Variants in PTCSC3 observed in about 807,000 individuals in gnomAD.
PTCSC3 encodes papillary thyroid carcinoma susceptibility candidate 3, also known as papillary thyroid carcinoma susceptibility candidate 3 (non-protein coding).
intron 3 of PTCSC3, among the ~76,000 whole-genome samples, chr14:36,142,912 G>GT (rs2139089598): frequency 6.6e-6 from 1 of 150,532 alleles, no homozygotes; most frequent in East Asian, 2.0e-4. Context: ...GCGCTGTCTG[G>GT]TTTTTTGTTA....
Position 36,142,806 on chromosome 14 carries a change from C to T in PTCSC3, n.323-6450G>A, listed in dbSNP as rs190257177. 4.4e-5 allele frequency among the ~76,000 whole-genome samples: 5 copies of T among 114,898 alleles called. No homozygotes were observed. The South Asian group carries it at 1.4e-3, about 33-fold the overall frequency. The allele number at this position is 114,898 out of a possible 152,430, so 75.4% of individuals were successfully genotyped here. On this transcript the variant is annotated intron_variant and non_coding_transcript_variant, in intron 3 of 3. Transcript: ENST00000556013. Reference sequence around the variant, plus strand: ...ATATCTCCCAATGCTATCCCTCCCCCCTCCCCCCACCCCACAACAGTCCCC... The same window carrying T: ...ATATCTCCCAATGCTATCCCTCCCCTCTCCCCCCACCCCACAACAGTCCCC...
intron 3 of PTCSC3, among the ~76,000 whole-genome samples, chr14:36,150,568 GCCACA>G: frequency 6.6e-6 from 1 of 152,140 alleles, no homozygotes; most frequent in Admixed American, 6.5e-5. Flanking sequence ...TTGAATACCT[GCCACA>G]TTTTAAATTG....
At chr14:36,144,044 CT>C (rs1201503024) in intron 3 of PTCSC3, among the ~76,000 whole-genome samples, 6 of 152,054 alleles carry the variant, frequency 3.9e-5, no homozygotes, top group African/African-American at 1.4e-4. Context: ...CAGTACCATG[CT>C]GTTTTGGTTA....
chr14:36,145,284 T>G (rs1220641703), intron 3 of PTCSC3, among the ~76,000 whole-genome samples: 2 of 151,094 alleles, frequency 1.3e-5, no homozygotes, highest in African/African-American at 4.9e-5. Context: ...TGAATCCATC[T>G]GGTCCTGGAC....
chr14:36,174,054 G>A (rs557922785), intron 1 of PTCSC3, among the ~76,000 whole-genome samples: 1 of 151,712 alleles, frequency 6.6e-6, no homozygotes, highest in Admixed American at 6.6e-5. Flanking sequence ...TAGCTCTAAC[G>A]TGCCTAGGTG....
chr14:36,164,957 G>A (rs1443677023), intron 1 of PTCSC3, among the ~76,000 whole-genome samples: 2 of 152,124 alleles, frequency 1.3e-5, no homozygotes, highest in African/African-American at 2.4e-5. Context: ...ATTTCCCCAG[G>A]CAGTGTCATA....
At chr14:36,144,071 A>G (rs1461026744) in intron 3 of PTCSC3, among the ~76,000 whole-genome samples, 1 of 152,112 alleles carries the variant, frequency 6.6e-6, no homozygotes, top group Non-Finnish European at 1.5e-5. Context: ...GCCTTGTAGT[A>G]TAGTTTGAAG....
At chr14:36,154,549 C>A (rs573820799) in intron 2 of PTCSC3, among the ~76,000 whole-genome samples, 51 of 152,208 alleles carry the variant, frequency 3.4e-4, no homozygotes, top group Non-Finnish European at 6.9e-4. Context: ...TACTTACTAT[C>A]ACTCTAGGAA....
chr14:36,160,187 C>T (rs1228967989), intron 2 of PTCSC3, among the ~76,000 whole-genome samples: 2 of 152,142 alleles, frequency 1.3e-5, no homozygotes, highest in Non-Finnish European at 2.9e-5. Context: ...TCCAATTTGC[C>T]AGTCTGTGTC....
intron 3 of PTCSC3, among the ~76,000 whole-genome samples, chr14:36,148,572 C>G (rs914204163): frequency 1.3e-5 from 2 of 152,206 alleles, no homozygotes; most frequent in African/African-American, 2.4e-5. Flanking sequence ...CTGGCACTCC[C>G]TAGTGAGATG....
intron 1 of PTCSC3, among the ~76,000 whole-genome samples, chr14:36,175,760 T>C (rs1362889265): frequency 6.6e-6 from 1 of 152,212 alleles, no homozygotes; most frequent in Non-Finnish European, 1.5e-5. Flanking sequence ...TGGAGTAACT[T>C]CATTGAACAC....
chr14:36,156,936 G>T (rs1229423631), intron 2 of PTCSC3, among the ~76,000 whole-genome samples: 1 of 152,140 alleles, frequency 6.6e-6, no homozygotes, highest in Non-Finnish European at 1.5e-5. Context: ...CCCAGTAATA[G>T]GATTGCTGGG....
At chr14:36,143,781 T>C (rs1223078063) in intron 3 of PTCSC3, among the ~76,000 whole-genome samples, 1 of 144,578 alleles carries the variant, frequency 6.9e-6, no homozygotes, top group Non-Finnish European at 1.5e-5. Context: ...CTAGGGTTTT[T>C]ATGGTTTTAG....
intron 3 of PTCSC3, among the ~76,000 whole-genome samples, chr14:36,142,922 A>G (rs985214528): frequency 2.7e-5 from 4 of 150,762 alleles, no homozygotes; most frequent in African/African-American, 9.8e-5. Flanking sequence ...GTTTTTTGTT[A>G]TTGCGATAGT....
At chr14:36,145,840 C>A (rs1175440835) in intron 3 of PTCSC3, among the ~76,000 whole-genome samples, 273 of 145,106 alleles carry the variant, frequency 1.9e-3, no homozygotes, top group African/African-American at 6.8e-3. Context: ...TGAATGCGTC[C>A]CAGAGATTCT....
chr14:36,151,402 G>A (rs988147291), intron 3 of PTCSC3, among the ~76,000 whole-genome samples: 5 of 151,646 alleles, frequency 3.3e-5, no homozygotes, highest in Non-Finnish European at 5.9e-5. Flanking sequence ...GAGCTTTCTC[G>A]ATCTTTGGCT....
chr14:36,152,027 A>G lies in PTCSC3; in HGVS notation n.322+1777T>C, dbSNP rs141288970. On this transcript the variant is annotated intron_variant and non_coding_transcript_variant, in intron 3 of 3. Coordinates refer to ENST00000556013, the Ensembl canonical transcript of PTCSC3. ...ATCTAAGAAGATTTGTTGATTTTCA[A>G]ATTTTCAGCCCTCTTGTTGTGAGGA... is the stretch of plus-strand genomic sequence containing the variant. 1.7e-3 allele frequency among the ~76,000 whole-genome samples: 262 copies of G among 151,304 alleles called. 1 individual carries two copies. Among genetic ancestry groups the G allele is most frequent in the African/African-American group, 6.1e-3 (249 of 40,864 alleles).
intron 2 of PTCSC3, among the ~76,000 whole-genome samples, chr14:36,156,279 C>T (rs745475084): frequency 2.0e-5 from 3 of 152,230 alleles, no homozygotes; most frequent in Non-Finnish European, 4.4e-5. Flanking sequence ...TATGCATGCA[C>T]ACACGCTGAT....
chr14:36,141,115 TACC>T lies in PTCSC3; in HGVS notation n.323-4762_323-4760del, dbSNP rs535874986. On this transcript the variant is annotated intron_variant and non_coding_transcript_variant, in intron 3 of 3. Coordinates refer to ENST00000556013, the Ensembl canonical transcript of PTCSC3. Reference sequence around the variant, plus strand: ...TCAATTTGTCTATTTTTTAAATTAATACCACATCATCTTGATAATTGTAGTTTT... The same window carrying T: ...TCAATTTGTCTATTTTTTAAATTAATACATCATCTTGATAATTGTAGTTTT... Among the ~76,000 whole-genome samples the T allele has an allele frequency of 9.2e-5, 14 of 152,370 alleles. No individual in the cohort carries two copies. In the East Asian group the frequency reaches 1.3e-3, roughly 15 times the overall value.
Sources: gnomAD v4.1 joint callset for allele counts (sites outside exome capture counted in the v4.1 genomes callset) on GRCh38, gnomAD v4.1.1 for gene constraint, MANE v1.5 for transcripts, NCBI Gene and HGNC (gene_info 2026-07-23, HGNC 2026-07-21) for gene names.